The following MCM3AP variants were observed in gnomAD, a reference collection of about 807,000 sequenced individuals.
MCM3AP encodes the protein germinal-center associated nuclear protein.
A neutral mutation model predicts 184.1 loss-of-function variants in MCM3AP; 126 were observed. The ratio of observed to expected loss-of-function variants is 0.68; its 90% CI spans 0.59 to 0.79. The LOEUF (loss-of-function observed/expected upper bound fraction) is 0.79, where lower values mean the gene tolerates loss of function less well. MCM3AP is among the 30% of genes least tolerant of loss of function. The probability of loss-of-function intolerance (pLI) is 0.00; values close to 1 mark genes in which losing one functional copy is unlikely to be tolerated. For missense variants in MCM3AP, 2,496 were observed against 2,479.2 expected, an observed-to-expected ratio of 1.01 and a Z score of -0.14; for synonymous variants, 1,002 against 979.3, an observed-to-expected ratio of 1.02 and a Z score of -0.43.
Position 46,272,807 on chromosome 21 carries a change from C to T in MCM3AP, c.2219G>A (p.Cys740Tyr). Residue 740 changes from cysteine (C) to tyrosine (Y), a missense_variant, in exon 8 of 28, where the codon TGT becomes TAT. This residue lies in a region of MCM3AP where 105 missense variants were observed against 97.1 expected (regional missense o/e 1.08). Transcript: ENST00000291688. The part of the protein sequence containing the change: ...IRKDITQQHL[C>Y]DPLTVSLIEK... Reference sequence around the variant, plus strand: ...AATCAGGGACACCGTCAGGGGGTCACAGAGGTGCTGCTGCGTGATATCCTG... The same window carrying T: ...AATCAGGGACACCGTCAGGGGGTCATAGAGGTGCTGCTGCGTGATATCCTG... 3 of 1,602,344 alleles carry T rather than the reference C, an allele frequency of 1.9e-6. No individual in the cohort carries two copies. The highest frequency in any genetic ancestry group is 2.6e-6 in the Non-Finnish European group (3 of 1,173,128).
intron 24 of MCM3AP, 96 bp downstream of exon 24, chr21:46,243,364 CAAAAG>C: frequency 7.2e-7 from 1 of 1,391,334 alleles, no homozygotes; most frequent in Non-Finnish European, 9.7e-7. Context: ...GATAGAGACC[CAAAAG>C]AAAAGCAGCA....
chr21:46,274,389 T>C (rs1219050218), intron 6 of MCM3AP, among the ~76,000 whole-genome samples: 1 of 152,172 alleles, frequency 6.6e-6, no homozygotes, highest in African/African-American at 2.4e-5. Flanking sequence ...ACATACAAGA[T>C]GCCAAACAAT....
rs749722988 is a variant in MCM3AP at position 46,284,468 on chromosome 21, C to T, written c.819G>A (p.Gly273=). ...CCACCTGGGAAACAGCTTCTTCACA[C>T]CCCTGCCTGACACCTGCTTTGCTAG... The part of the protein sequence containing the change: ...FQASKAGVRQ[G]CEEAVSQVEP... The change falls in exon 1 of 28, where the codon GGG becomes GGA. Residue 273 remains glycine, a synonymous_variant. Coordinates refer to ENST00000291688, the MANE Select transcript of MCM3AP (RefSeq NM_003906.5). 3.1e-6 allele frequency: 5 copies of T among 1,614,062 alleles called. No homozygotes were observed. The highest frequency in any genetic ancestry group is 4.2e-6 in the Non-Finnish European group (5 of 1,180,046).
chr21:46,235,502 T>A, intron 27 of MCM3AP, 76 bp from the exon 28 acceptor site: 1 of 1,290,966 alleles, frequency 7.7e-7, no homozygotes. Flanking sequence ...AGGTACTAGA[T>A]CTGGATCATG....
intron 6 of MCM3AP, among the ~76,000 whole-genome samples, chr21:46,274,692 T>C (rs756287479): frequency 1.3e-5 from 2 of 152,064 alleles, no homozygotes; most frequent in Admixed American, 6.5e-5. Context: ...TCCCAGCACT[T>C]TGGGAGGCGG....
chr21:46,275,248 T>C lies in MCM3AP; in HGVS notation c.1936A>G (p.Arg646Gly). Residue 646 changes from arginine (R) to glycine (G), a missense_variant, in exon 6 of 28, where the codon AGG (arginine) becomes GGG (glycine). This residue lies in a region of MCM3AP where 130 missense variants were observed against 199.8 expected (regional missense o/e 0.65). Transcript: ENST00000291688. ...TCLDMCPEKE[R>G]YMRETRSQLS... The stretch of plus-strand genomic sequence containing the variant: ...TGGCTACGGGTCTCCCGCATGTACC[T>C]CTCCTTCTCAGGACACATATCCAGG... 1 of 1,614,028 alleles carries C rather than the reference T, an allele frequency of 6.2e-7. No homozygotes were observed. The highest frequency in any genetic ancestry group is 8.5e-7 in the Non-Finnish European group (1 of 1,179,990).
Position 46,262,933 on chromosome 21 carries a change from A to T in MCM3AP, c.3335+1184T>A, listed in dbSNP as rs186978297. ...CAGTGAGCCGAGATCACGCCACTGC[A>T]CTCCAGCCTGGGCGACAGGGAGACT... On this transcript the variant is annotated intron_variant, in intron 13 of 27. Coordinates refer to ENST00000291688, the MANE Select transcript of MCM3AP (RefSeq NM_003906.5). Among the ~76,000 whole-genome samples the T allele has an allele frequency of 4.0e-3, 534 of 134,198 alleles. 5 individuals carry two copies. The highest frequency in any genetic ancestry group is 5.2e-3 in the Non-Finnish European group (343 of 65,408). 88.0% of individuals were successfully genotyped at this position (134,198 alleles called of 152,430 possible). A position where few individuals can be genotyped will look rare whatever the true frequency, so the allele number is the denominator to read the frequency against.
At chr21:46,265,555 T>G in intron 11 of MCM3AP, 32 bp from the exon 12 acceptor site, 1 of 1,514,294 alleles carries the variant, frequency 6.6e-7, no homozygotes, top group Non-Finnish European at 8.9e-7. Flanking sequence ...AAAACATAGC[T>G]GCAGACACAG....
At position 46,242,947 on chromosome 21, in the gene MCM3AP, A is replaced by T; in HGVS notation, c.5297-16T>A. Reference sequence around the variant, plus strand: ...CTCAGCGCCTCTGAGAAAACAATACAAAAACAGATAAAGAGGCCAGCCTGG... The same window carrying T: ...CTCAGCGCCTCTGAGAAAACAATACTAAAACAGATAAAGAGGCCAGCCTGG... On this transcript the variant is annotated splice_polypyrimidine_tract_variant and intron_variant, in intron 24 of 27. Coordinates refer to ENST00000291688, the MANE Select transcript of MCM3AP (RefSeq NM_003906.5). 1 of 1,590,014 alleles carries T rather than the reference A, an allele frequency of 6.3e-7. No homozygotes were observed. Among genetic ancestry groups the T allele is most frequent in the Admixed American group, 1.8e-5 (1 of 55,628 alleles).
At chr21:46,261,671 T>C (rs528908097) in intron 13 of MCM3AP, among the ~76,000 whole-genome samples, 1 of 147,828 alleles carries the variant, frequency 6.8e-6, no homozygotes, top group East Asian at 2.0e-4. Flanking sequence ...AGCGGGAGAC[T>C]GCAGTGAGCC....
At chr21:46,235,881 C>T (rs900553668) in intron 27 of MCM3AP, among the ~76,000 whole-genome samples, 17 of 152,196 alleles carry the variant, frequency 1.1e-4, no homozygotes, top group African/African-American at 3.4e-4. Flanking sequence ...GATCCTCCCT[C>T]ATCAGCCTCC....
chr21:46,244,832 C>T lies in MCM3AP; in HGVS notation c.5013G>A (p.Pro1671=), dbSNP rs17183255. 5,985 of 1,613,686 alleles carry T rather than the reference C, an allele frequency of 3.7e-3. 20 individuals carry two copies. Among genetic ancestry groups the T allele is most frequent in the Non-Finnish European group, 4.5e-3 (5,294 of 1,179,732 alleles). ...LKQAVLGFQL[P]QMDLPPLGAP... ...CCCCCAGGGGTGGAAGGTCCATCTG[C>T]GGAAGCTGGAACCCGAGCACAGCCT... is the stretch of plus-strand genomic sequence containing the variant. Residue 1671 remains proline (P), a synonymous_variant, in exon 23 of 28, where the codon CCG becomes CCA. Transcript: ENST00000291688.
Position 46,245,120 on chromosome 21 carries a change from G to A in MCM3AP, c.4725C>T (p.Tyr1575=), listed in dbSNP as rs1304195598. 9.3e-6 allele frequency: 15 copies of A among 1,614,078 alleles called. No homozygotes were observed. Among genetic ancestry groups the A allele is most frequent in the East Asian group, 2.2e-5 (1 of 44,902 alleles). Residue 1575 remains tyrosine, a synonymous_variant, in exon 23 of 28, where the codon TAC becomes TAT. Coordinates refer to ENST00000291688, the MANE Select transcript of MCM3AP (RefSeq NM_003906.5). The part of the protein sequence containing the change: ...LDLCCQTLIQ[Y]VEDGIGHEFS... ...ACTCATGGCCAATCCCGTCTTCGAC[G>A]TACTGAATGAGAGTCTGGCAGCAGA...
intron 13 of MCM3AP, among the ~76,000 whole-genome samples, chr21:46,262,442 G>A (rs1307960561): frequency 2.6e-5 from 4 of 152,056 alleles, no homozygotes; most frequent in African/African-American, 7.2e-5. Flanking sequence ...GAGCCCAGGA[G>A]TTCAAGACTA....
At chr21:46,249,511 A>G (rs2080835547) in intron 20 of MCM3AP, 4 of 433,790 alleles carry the variant, frequency 9.2e-6, no homozygotes, top group South Asian at 3.3e-5. Flanking sequence ...TTCTACCTAT[A>G]ATTTTACAAA....
rs17183346 is a variant in MCM3AP at position 46,239,431 on chromosome 21, T to C, written c.5633+1380A>G. Among the ~76,000 whole-genome samples, 1,296 of 152,330 alleles carry C rather than the reference T, an allele frequency of 8.5e-3. 8 individuals are homozygous for C. The highest frequency in any genetic ancestry group is 0.02 in the Middle Eastern group (6 of 294). ...ATAACAAGTGGTCCAATTCTGAATG[T>C]ATTTTCAATAGAGCCAATAGGATAT... is the stretch of plus-strand genomic sequence containing the variant. On this transcript the variant is annotated intron_variant, in intron 26 of 27. Transcript: ENST00000291688.
chr21:46,255,387 G>A (rs1320773262), intron 17 of MCM3AP, among the ~76,000 whole-genome samples: 7 of 152,086 alleles, frequency 4.6e-5, no homozygotes, highest in Admixed American at 6.5e-5. Context: ...GGACGCCGCC[G>A]AGAGGCAACG....
rs144904756 is a variant in MCM3AP at position 46,266,123 on chromosome 21, A to C, written c.2833T>G (p.Leu945Val). The change falls in exon 11 of 28, where the codon TTA becomes GTA. Residue 945 changes from leucine (L) to valine (V), a missense_variant. Physicochemically the swap from Leu to Val is conservative, Grantham distance 32 (BLOSUM62 1). This residue lies in a region of MCM3AP where 138 missense variants were observed against 191.9 expected (regional missense o/e 0.72). Transcript: ENST00000291688. ...NRSAFLEPEG[L>V]SKTRKSVFIT... is the part of the protein sequence containing the mutation. ...AACACCGACTTCCTGGTCTTGGATAATCCCTCTGGTTCCAGGAATGCAGAC... is the reference window on the plus strand; with the variant it reads ...AACACCGACTTCCTGGTCTTGGATACTCCCTCTGGTTCCAGGAATGCAGAC... 9,762 of 1,611,734 alleles carry C rather than the reference A, an allele frequency of 6.1e-3. 56 individuals are homozygous for C. The highest frequency in any genetic ancestry group is 0.025 in the Middle Eastern group (153 of 6,056).
rs2081118371 is a variant in MCM3AP, at chr21:46,266,829, C to T, written c.2789+153G>A. 1.1e-5 allele frequency: 9 copies of T among 803,046 alleles called. No homozygotes were observed. In the South Asian group the frequency reaches 1.5e-4, roughly 13 times the overall value. 49.7% of individuals were successfully genotyped at this position (803,046 alleles called of 1,614,324 possible). Reference sequence around the variant, plus strand: ...AGCCAGGATGTGACCTTGGGAACACCCCCAGCCATTCTGAGTCTCGTGTGT... The same window carrying T: ...AGCCAGGATGTGACCTTGGGAACACTCCCAGCCATTCTGAGTCTCGTGTGT... On this transcript the variant is annotated intron_variant, in intron 10 of 27. Transcript: ENST00000291688.
Sources: allele counts gnomAD v4.1 joint callset (sites outside exome capture counted in the v4.1 genomes callset), GRCh38; gene constraint gnomAD v4.1.1; regional missense constraint gnomAD v4.1.1; transcripts MANE v1.5; gene names NCBI Gene and HGNC (gene_info 2026-07-23, HGNC 2026-07-21).